FRAS1: variants seen among roughly 807,000 people sequenced by gnomAD.
The protein encoded by FRAS1 is extracellular matrix organizing protein FRAS1.
Under a neutral mutation model 435.2 loss-of-function variants are expected in FRAS1, and 290 were observed. The ratio of observed to expected loss-of-function variants is 0.67; its 90% CI spans 0.61 to 0.73. The LOEUF (loss-of-function observed/expected upper bound fraction) is 0.73. FRAS1 is among the 30% of genes least tolerant of loss of function. FRAS1 has a pLI of 0.00. For synonymous variants in FRAS1, 1,800 were observed against 1,851.0 expected, an observed-to-expected ratio of 0.97 and a Z score of 0.71; for missense variants, 4,860 against 5,001.5, an observed-to-expected ratio of 0.97 and a Z score of 0.85.
At chr4:78,283,089 G>A (rs1560625706) in intron 12 of FRAS1, 122 bp downstream of exon 12, 2 of 716,084 alleles carry the variant, frequency 2.8e-6, no homozygotes, top group East Asian at 6.8e-5. Flanking sequence ...GGGTTTGTTT[G>A]TTTCTTCATA....
chr4:78,326,437 G>A (rs1375063348), intron 18 of FRAS1, among the ~76,000 whole-genome samples: 5 of 152,178 alleles, frequency 3.3e-5, no homozygotes, highest in African/African-American at 1.2e-4. Context: ...AGAAATAGCA[G>A]GTAGGGGAGT....
At chr4:78,535,250 A>G (rs12639818) in intron 71 of FRAS1, among the ~76,000 whole-genome samples, 65,921 of 151,828 alleles carry the variant, frequency 0.43, 15,016 homozygotes, top group East Asian at 0.79. Context: ...GGCTCAGTCT[A>G]TTCCTACTCT....
rs1316641147 is a variant in FRAS1 at position 78,432,505 on chromosome 4, A to G, written c.5118A>G (p.Ser1706=). Residue 1706 remains serine (S), a synonymous_variant, in exon 38 of 74, where the codon TCA becomes TCG. Transcript: ENST00000512123. ...MLEVRVEVSL[S]EDRGPRLAAG... is the part of the protein sequence containing the mutation. ...AGGTGAGAGTAGAGGTGTCCCTGTCAGAAGACCGAGGGCCTCGACTGGCTG... is the reference window on the plus strand; with the variant it reads ...AGGTGAGAGTAGAGGTGTCCCTGTCGGAAGACCGAGGGCCTCGACTGGCTG... The G allele has an allele frequency of 6.2e-7, 1 of 1,613,204 alleles. No homozygotes were observed. Among genetic ancestry groups the G allele is most frequent in the Admixed American group, 1.7e-5 (1 of 59,882 alleles).
chr4:78,064,523 TTA>T (rs1431266347), intron 1 of FRAS1, among the ~76,000 whole-genome samples: 1 of 151,992 alleles, frequency 6.6e-6, no homozygotes, highest in Non-Finnish European at 1.5e-5. Context: ...TAATTTTTGC[TTA>T]TACATATGCC....
At chr4:78,170,322 A>T (rs1327411702) in intron 2 of FRAS1, among the ~76,000 whole-genome samples, 1 of 152,196 alleles carries the variant, frequency 6.6e-6, no homozygotes, top group Non-Finnish European at 1.5e-5. Flanking sequence ...GTTGGTGCTT[A>T]GTAAATCTTT....
At position 78,334,457 on chromosome 4, in the gene FRAS1, G is replaced by A. The variant is rs545086612; in HGVS notation, c.2278+1045G>A. Among the ~76,000 whole-genome samples, 19 of 129,108 alleles carry A rather than the reference G, an allele frequency of 1.5e-4. 1 individual carries two copies. The South Asian group carries it at 4.6e-3, about 31-fold the overall frequency. The allele number at this position is 129,108 out of a possible 152,430, so 84.7% of individuals were successfully genotyped here. Reference sequence around the variant, plus strand: ...ACGATCTCAGCTCACTGCAACCTCCGCTTCCCAGGTTCAAGCAATTCTTCT... The same window carrying A: ...ACGATCTCAGCTCACTGCAACCTCCACTTCCCAGGTTCAAGCAATTCTTCT... On this transcript the variant is annotated intron_variant, in intron 19 of 73. Transcript: ENST00000512123.
chr4:78,325,300 C>T (rs1480562916), intron 18 of FRAS1, among the ~76,000 whole-genome samples: 2 of 152,138 alleles, frequency 1.3e-5, no homozygotes, highest in Non-Finnish European at 2.9e-5. Flanking sequence ...AATTAATTAA[C>T]TTGGTTTAGG....
Position 78,267,447 on chromosome 4 carries a change from C to T in FRAS1, c.981+15C>T. ...AGTGTGCCCGGGTAAGAAGCAGGGG[C>T]ATTTCCATTTGGAACGTTGCAGCTC... On this transcript the variant is annotated intron_variant, in intron 9 of 73. Transcript: ENST00000512123. 6.2e-7 allele frequency: 1 copy of T among 1,609,588 alleles called. No homozygotes were observed.
At chr4:78,227,015 C>A (rs559867062) in intron 2 of FRAS1, among the ~76,000 whole-genome samples, 1 of 152,052 alleles carries the variant, frequency 6.6e-6, no homozygotes, top group Non-Finnish European at 1.5e-5. Flanking sequence ...CATTTAATTG[C>A]GTTTGTAGAT....
At chr4:78,277,151 A>G (rs1025790604) in intron 9 of FRAS1, among the ~76,000 whole-genome samples, 2 of 152,184 alleles carry the variant, frequency 1.3e-5, no homozygotes, top group Non-Finnish European at 2.9e-5. Flanking sequence ...GCCATTTGCT[A>G]AGACCATTGG....
At chr4:78,373,636 G>A (rs928140346) in intron 24 of FRAS1, among the ~76,000 whole-genome samples, 1 of 151,754 alleles carries the variant, frequency 6.6e-6, no homozygotes, top group Non-Finnish European at 1.5e-5. Context: ...AATTAGCCGA[G>A]CATGGTGGCA....
In FRAS1 at chr4:78,452,157, T is replaced by C. The variant is rs1298956032; in HGVS notation, c.6584-18T>C. 3 of 1,610,338 alleles carry C rather than the reference T, an allele frequency of 1.9e-6. No homozygotes were observed. The Admixed American group carries it at 5.0e-5, about 27-fold the overall frequency. ...CTGAGAAGATCCCATTTCAAATCAC[T>C]ATTTCTGATATTTTCAGAAGACAAA... On this transcript the variant is annotated intron_variant, in intron 46 of 73. Transcript: ENST00000512123.
intron 19 of FRAS1, among the ~76,000 whole-genome samples, chr4:78,334,982 A>T (rs895286278): frequency 1.3e-5 from 2 of 151,650 alleles, no homozygotes; most frequent in African/African-American, 4.9e-5. Context: ...GCTTGTCCTG[A>T]ACTCCTGGCC....
At chr4:78,168,376 G>A (rs114006332) in intron 2 of FRAS1, among the ~76,000 whole-genome samples, 2,305 of 152,146 alleles carry the variant, frequency 0.015, 20 homozygotes, top group Non-Finnish European at 0.023. Flanking sequence ...GAGGACAAAA[G>A]ATGTTTTTTT....
In FRAS1 at chr4:78,387,401, TCTC is replaced by T. The variant is rs774088701; in HGVS notation, c.3677_3679del (p.Leu1226del). ...CCCCCTATGTGCTGAGAAATGAAGTTCTCCACATTAGCAGAGGAGAGAGGGCAA... is the reference window on the plus strand; with the variant it reads ...CCCCCTATGTGCTGAGAAATGAAGTTCACATTAGCAGAGGAGAGAGGGCAA... On this transcript the variant is annotated inframe_deletion, in exon 29 of 74. Coordinates refer to ENST00000512123, the MANE Select transcript of FRAS1 (RefSeq NM_025074.7). 1 of 1,611,752 alleles carries T rather than the reference TCTC, an allele frequency of 6.2e-7. No individual in the cohort carries two copies. Among genetic ancestry groups the T allele is most frequent in the African/African-American group, 1.3e-5 (1 of 74,968 alleles).
chr4:78,088,696 C>T (rs1168260785), intron 2 of FRAS1, among the ~76,000 whole-genome samples: 1 of 152,078 alleles, frequency 6.6e-6, no homozygotes, highest in African/African-American at 2.4e-5. Flanking sequence ...CATCACTGGC[C>T]ATCAGAGAAA....
rs1733660902 is a variant in FRAS1 at position 78,419,053 on chromosome 4, T to C, written c.4530T>C (p.His1510=). The C allele has an allele frequency of 2.6e-6, 4 of 1,556,040 alleles. No individual in the cohort carries two copies. The highest frequency in any genetic ancestry group is 2.6e-6 in the Non-Finnish European group (3 of 1,150,628). Residue 1510 remains histidine (H), a synonymous_variant, in exon 33 of 74, where the codon CAT becomes CAC. Coordinates refer to ENST00000512123, the MANE Select transcript of FRAS1 (RefSeq NM_025074.7). ...KIVYNITLPL[H]PNQGIIEHRD... is the part of the protein sequence containing the mutation. ...TCTACAACATCACTCTACCTCTGCA[T>C]CCAAATCAAGGTAAGATGTGCAGTA...
At chr4:78,269,348 G>A (rs915930203) in intron 9 of FRAS1, among the ~76,000 whole-genome samples, 2 of 152,162 alleles carry the variant, frequency 1.3e-5, no homozygotes, top group Non-Finnish European at 2.9e-5. Flanking sequence ...TCTGCCAAGG[G>A]GCACAGTGGA....
intron 2 of FRAS1, among the ~76,000 whole-genome samples, chr4:78,218,824 A>G (rs4550958): frequency 6.6e-6 from 1 of 152,254 alleles, no homozygotes; most frequent in African/African-American, 2.4e-5. Flanking sequence ...GTTTGCTTGC[A>G]TCCAAATATT....
Sources: gnomAD v4.1 joint callset for allele counts (sites outside exome capture counted in the v4.1 genomes callset) on GRCh38, gnomAD v4.1.1 for gene constraint, MANE v1.5 for transcripts, NCBI Gene and HGNC (gene_info 2026-07-23, HGNC 2026-07-21) for gene names.